Variants in PCDH10 observed in about 807,000 individuals in gnomAD.
The protein encoded by PCDH10 is protocadherin-10.
In PCDH10, 15 loss-of-function variants were observed where a neutral mutation model predicts 74.4. That is an observed-to-expected ratio of 0.20 (90% CI 0.13 to 0.31). PCDH10 has a LOEUF of 0.31. PCDH10 is among the 10% of genes least tolerant of loss of function. PCDH10 has a pLI of 1.00. For synonymous variants in PCDH10, 619 were observed against 589.8 expected (o/e 1.05, Z -0.72); for missense variants, 1,260 against 1,390.2 (o/e 0.91, Z 1.49).
At chr4:133,204,198 C>T (rs186976090) in intron 2 of PCDH10, among the ~76,000 whole-genome samples, 431 of 152,272 alleles carry the variant, frequency 2.8e-3, no homozygotes, top group African/African-American at 9.2e-3. Flanking sequence ...CTTGCCTGAA[C>T]GGCGGCTCTT....
intron 4 of PCDH10, among the ~76,000 whole-genome samples, chr4:133,172,924 C>G (rs1183940666): frequency 6.6e-6 from 1 of 151,928 alleles, no homozygotes; most frequent in Non-Finnish European, 1.5e-5. Context: ...TATCATTTCT[C>G]TATCTTTGGA....
chr4:133,183,954 T>G (rs1235992985), intron 4 of PCDH10, among the ~76,000 whole-genome samples: 2 of 152,170 alleles, frequency 1.3e-5, no homozygotes, highest in African/African-American at 4.8e-5. Context: ...TTTGCCGATT[T>G]CTTATTTTTA....
intron 2 of PCDH10, among the ~76,000 whole-genome samples, chr4:133,200,687 T>C (rs1267005448): frequency 6.6e-6 from 1 of 152,128 alleles, no homozygotes; most frequent in Non-Finnish European, 1.5e-5. Context: ...ATCCCACCTA[T>C]GAAGAAAATG....
chr4:133,152,184 G>A lies in PCDH10; in HGVS notation c.2044G>A (p.Ala682Thr). The A allele has an allele frequency of 6.4e-7, 1 of 1,573,238 alleles. No individual in the cohort carries two copies. Residue 682 changes from alanine to threonine, a missense_variant, in exon 1 of 5, where the codon GCC (alanine) becomes ACC (threonine). Transcript: ENST00000264360. Reference protein sequence around the residue: ...ATLVVQLVDGAVEPQGGGGSG... With the variant: ...ATLVVQLVDGTVEPQGGGGSG... Reference sequence around the variant, plus strand: ...CCTGGTGGTTCAGCTGGTGGATGGCGCCGTGGAGCCCCAGGGCGGGGGCGG... The same window carrying A: ...CCTGGTGGTTCAGCTGGTGGATGGCACCGTGGAGCCCCAGGGCGGGGGCGG...
At position 133,150,842 on chromosome 4, in the gene PCDH10, C is replaced by A; in HGVS notation, c.702C>A (p.Ala234=). The change falls in exon 1 of 5, where the codon GCC becomes GCA. Residue 234 remains alanine (A), a synonymous_variant. Coordinates refer to ENST00000264360, the MANE Select transcript of PCDH10 (RefSeq NM_032961.3). ...CCCAGCAGCAGCGCACCGGCACGGC[C>A]CTACTCACCATCCGAGTGCTGGACT... The part of the protein sequence containing the change: ...LPPQQQRTGT[A]LLTIRVLDSN... 1 of 1,601,016 alleles carries A rather than the reference C, an allele frequency of 6.2e-7. No individual in the cohort carries two copies. Among genetic ancestry groups the A allele is most frequent in the Admixed American group, 1.7e-5 (1 of 59,612 alleles).
At chr4:133,205,772 C>T (rs531308691) in intron 2 of PCDH10, among the ~76,000 whole-genome samples, 29 of 151,940 alleles carry the variant, frequency 1.9e-4, no homozygotes, top group South Asian at 1.5e-3. Context: ...TATTTTATTA[C>T]TACTATTATT....
At position 133,150,424 on chromosome 4, in the gene PCDH10, T is replaced by C. The variant is rs1323387622; in HGVS notation, c.284T>C (p.Leu95Pro). Residue 95 changes from leucine to proline, a missense_variant, in exon 1 of 5, where the codon CTG becomes CCG. By Grantham distance (98) the Leu-to-Pro change is moderately conservative (BLOSUM62 -3). Transcript: ENST00000264360. Reference protein sequence around the residue: ...CKQSPSCVLHLEVFLENPLEL... With the variant: ...CKQSPSCVLHPEVFLENPLEL... ...CAGAGCCCCTCCTGTGTCCTGCACC[T>C]GGAGGTCTTTCTGGAGAACCCCCTG... 6.2e-7 allele frequency: 1 copy of C among 1,613,888 alleles called. No individual in the cohort carries two copies. Among genetic ancestry groups the C allele is most frequent in the Non-Finnish European group, 8.5e-7 (1 of 1,179,976 alleles).
intron 4 of PCDH10, among the ~76,000 whole-genome samples, chr4:133,178,791 A>G (rs1453278330): frequency 6.6e-6 from 1 of 152,164 alleles, no homozygotes; most frequent in Non-Finnish European, 1.5e-5. Context: ...TCTCTATGAA[A>G]GAAGAAACCT....
At chr4:133,159,042 A>G (rs1726915846) in intron 3 of PCDH10, among the ~76,000 whole-genome samples, 1 of 152,092 alleles carries the variant, frequency 6.6e-6, no homozygotes. Context: ...TGTGGTTACA[A>G]TTAATGTATT....
intron 4 of PCDH10, among the ~76,000 whole-genome samples, chr4:133,173,706 A>G (rs746091951): frequency 6.0e-5 from 9 of 148,876 alleles, no homozygotes; most frequent in Non-Finnish European, 8.9e-5. Flanking sequence ...AATTTTTTAG[A>G]GGAAAAAGAT....
intron 2 of PCDH10, among the ~76,000 whole-genome samples, chr4:133,200,769 ACT>A (rs1358167949): frequency 6.6e-6 from 1 of 151,786 alleles, no homozygotes; most frequent in Non-Finnish European, 1.5e-5. Context: ...CTTTCTCTTG[ACT>A]CTGAGTTCTC....
intron 4 of PCDH10, among the ~76,000 whole-genome samples, chr4:133,168,820 GCA>G (rs1192110498): frequency 6.6e-6 from 1 of 151,418 alleles, no homozygotes; most frequent in African/African-American, 2.4e-5. Flanking sequence ...ATTCATTTAT[GCA>G]CACACTCAGT....
intron 2 of PCDH10, among the ~76,000 whole-genome samples, chr4:133,201,364 A>T (rs547431426): frequency 7.5e-4 from 114 of 152,322 alleles, no homozygotes; most frequent in Middle Eastern, 3.4e-3. Context: ...CTAACAGTGT[A>T]TAGATGGATG....
In PCDH10 at chr4:133,149,967, G is replaced by A; in HGVS notation, c.-174G>A. ...AAAAAAAAATGAGGCTGGATTGCGG[G>A]AAGCTCTAAAATGAAGCAAAAGGAG... is the stretch of plus-strand genomic sequence containing the variant. On this transcript the variant is annotated 5_prime_UTR_variant, in exon 1 of 5. Transcript: ENST00000264360. 1.2e-6 allele frequency: 1 copy of A among 868,174 alleles called. No individual in the cohort carries two copies. The allele number at this position is 868,174 out of a possible 1,614,324, so 53.8% of individuals were successfully genotyped here.
intron 3 of PCDH10, among the ~76,000 whole-genome samples, chr4:133,161,220 A>G (rs1726963377): frequency 6.6e-6 from 1 of 152,162 alleles, no homozygotes; most frequent in African/African-American, 2.4e-5. Context: ...CAGGAAAATT[A>G]TCAGTGAAAT....
chr4:133,203,255 T>G (rs1269223943), intron 2 of PCDH10, among the ~76,000 whole-genome samples: 1 of 152,178 alleles, frequency 6.6e-6, no homozygotes, highest in East Asian at 1.9e-4. Context: ...GGTCCAATTT[T>G]ATATCTTTAT....
chr4:133,152,053 T>C lies in PCDH10; in HGVS notation c.1913T>C (p.Leu638Pro). 1 of 1,609,772 alleles carries C rather than the reference T, an allele frequency of 6.2e-7. No homozygotes were observed. The highest frequency in any genetic ancestry group is 8.5e-7 in the Non-Finnish European group (1 of 1,178,284). ...LFRMDWRTGE[L>P]RTARRVPAKR... Reference sequence around the variant, plus strand: ...CGCATGGACTGGCGCACCGGGGAGCTGCGCACAGCACGCCGAGTCCCGGCC... The same window carrying C: ...CGCATGGACTGGCGCACCGGGGAGCCGCGCACAGCACGCCGAGTCCCGGCC... The change falls in exon 1 of 5, where the codon CTG becomes CCG. Residue 638 changes from leucine (L) to proline (P), a missense_variant. This residue lies in a region of PCDH10 where 587 missense variants were observed against 616.9 expected (regional missense o/e 0.95). Coordinates refer to ENST00000264360, the MANE Select transcript of PCDH10 (RefSeq NM_032961.3).
chr4:133,202,422 A>G (rs542309957), intron 2 of PCDH10, among the ~76,000 whole-genome samples: 9 of 152,340 alleles, frequency 5.9e-5, no homozygotes, highest in African/African-American at 1.7e-4. Context: ...CAAGAGCCCA[A>G]CATTGTCTAT....
downstream of PCDH10, among the ~76,000 whole-genome samples, chr4:133,199,298 T>TAATAATAAA (rs1381702899): frequency 7.0e-6 from 1 of 143,460 alleles, no homozygotes; most frequent in African/African-American, 2.6e-5. Context: ...AAAATAATAA[T>TAATAATAAA]AATAATAATA....
Sources: allele counts gnomAD v4.1 joint callset (sites outside exome capture counted in the v4.1 genomes callset), GRCh38; gene constraint gnomAD v4.1.1; regional missense constraint gnomAD v4.1.1; transcripts MANE v1.5; gene names NCBI Gene and HGNC (gene_info 2026-07-23, HGNC 2026-07-21).